The following NOVA1 variants were observed in gnomAD, a reference collection of about 807,000 sequenced individuals.
The protein encoded by NOVA1 is RNA-binding protein Nova-1.
NOVA1 carries 7 observed loss-of-function variants against 38.0 expected under a neutral mutation model. The observed-to-expected ratio is 0.18, with a 90% CI of 0.10 to 0.35. The LOEUF is 0.35. Among genes scored for constraint, NOVA1 ranks in the 10% least tolerant of loss-of-function variants. The pLI is 1.00. For synonymous variants in NOVA1, 270 were observed against 232.5 expected, an observed-to-expected ratio of 1.16 and a Z score of -1.47; for missense variants, 460 against 616.0, an observed-to-expected ratio of 0.75 and a Z score of 2.68.
chr14:26,474,414 C>T (rs1396368860), intron 3 of NOVA1, among the ~76,000 whole-genome samples: 1 of 151,958 alleles, frequency 6.6e-6, no homozygotes, highest in Non-Finnish European at 1.5e-5. Flanking sequence ...GCAAATTGAA[C>T]TTTTAATTAA....
At chr14:26,523,974 A>G (rs1209813988) in intron 2 of NOVA1, among the ~76,000 whole-genome samples, 2 of 151,980 alleles carry the variant, frequency 1.3e-5, no homozygotes, top group Non-Finnish European at 2.9e-5. Context: ...GATGGCCTCG[A>G]TCTCCTGACC....
At chr14:26,461,937 T>C (rs113023269) in intron 4 of NOVA1, among the ~76,000 whole-genome samples, 3,201 of 86,276 alleles carry the variant, frequency 0.037, 99 homozygotes, top group African/African-American at 0.081. Context: ...TGAAACTCCG[T>C]CTCAAAAAAC....
rs114826710 is a variant in NOVA1, at chr14:26,554,958, T to C, written c.280+40452A>G. ...ATTAAGCAATTAAATAACATGAATATGTTTCGTGCATTTGTAGAAAATACT... is the reference window on the plus strand; with the variant it reads ...ATTAAGCAATTAAATAACATGAATACGTTTCGTGCATTTGTAGAAAATACT... On this transcript the variant is annotated intron_variant, in intron 2 of 4. Coordinates refer to ENST00000539517, the MANE Select transcript of NOVA1 (RefSeq NM_002515.3). Among the ~76,000 whole-genome samples, 918 of 152,270 alleles carry C rather than the reference T, an allele frequency of 6.0e-3. 14 individuals carry two copies. Among genetic ancestry groups the C allele is most frequent in the African/African-American group, 0.021 (865 of 41,570 alleles).
rs563401938 is a variant in NOVA1 at position 26,597,507 on chromosome 14, CTTTTTTTTTTTTT to C, written c.-84_-72del. ...GTTTTGGCTTTTTCTTTTCTTTTTT[CTTTTTTTTTTTTT>C]TTTTTTTTTGCGTTTGGGGTTTCTT... On this transcript the variant is annotated 5_prime_UTR_variant, in exon 1 of 5. Coordinates refer to ENST00000539517, the MANE Select transcript of NOVA1 (RefSeq NM_002515.3). 1.6e-6 allele frequency: 1 copy of C among 638,022 alleles called. No individual in the cohort carries two copies. Among genetic ancestry groups the C allele is most frequent in the Non-Finnish European group, 1.8e-6 (1 of 554,570 alleles). The allele number at this position is 638,022 out of a possible 1,614,324, so 39.5% of individuals were successfully genotyped here.
At position 26,597,600 on chromosome 14, in the gene NOVA1, TG is replaced by T; in HGVS notation, c.-165del. On this transcript the variant is annotated 5_prime_UTR_variant, in exon 1 of 5. Transcript: ENST00000539517. ...TAAATCTCTTTAGGAAAAAAAGCAA[TG>T]TTGCTGGTTTGTTCTCACTGGGGAG... 8.3e-7 allele frequency: 1 copy of T among 1,205,506 alleles called. No individual in the cohort carries two copies. Among genetic ancestry groups the T allele is most frequent in the Non-Finnish European group, 1.0e-6 (1 of 978,610 alleles). The allele number at this position is 1,205,506 out of a possible 1,614,324, so 74.7% of individuals were successfully genotyped here.
chr14:26,544,922 TG>T (rs1410058908), intron 2 of NOVA1, among the ~76,000 whole-genome samples: 1 of 152,042 alleles, frequency 6.6e-6, no homozygotes, highest in African/African-American at 2.4e-5. Flanking sequence ...TGATAAATGG[TG>T]GGCAAAGAAG....
At chr14:26,596,458 G>T (rs1038430101) in intron 1 of NOVA1, 6 of 1,001,546 alleles carry the variant, frequency 6.0e-6, no homozygotes, top group Non-Finnish European at 8.2e-6. Flanking sequence ...ATCTTATACA[G>T]GAGACACCCC....
Position 26,591,688 on chromosome 14 carries a change from G to A in NOVA1, c.280+3722C>T, listed in dbSNP as rs565457658. ...ATAATTATACAATTCCAGTTCTAAA[G>A]TTTAATTTGGCCACTATATTTTCCC... On this transcript the variant is annotated intron_variant, in intron 2 of 4. Coordinates refer to ENST00000539517, the MANE Select transcript of NOVA1 (RefSeq NM_002515.3). Among the ~76,000 whole-genome samples, 86 of 151,492 alleles carry A rather than the reference G, an allele frequency of 5.7e-4. 1 individual carries two copies. The South Asian group carries it at 0.017, about 30-fold the overall frequency.
intron 4 of NOVA1, among the ~76,000 whole-genome samples, chr14:26,464,816 AG>A (rs1330336943): frequency 6.6e-6 from 1 of 152,174 alleles, no homozygotes; most frequent in Non-Finnish European, 1.5e-5. Context: ...CGAAAATTAT[AG>A]TAAGTCTATC....
Position 26,449,000 on chromosome 14 carries a change from G to C in NOVA1, c.520-37C>G, listed in dbSNP as rs1882382005. ...AAAAATACGTATAAATAATACTTCTGTTTTGTGCATATACATTATATTACT... is the reference window on the plus strand; with the variant it reads ...AAAAATACGTATAAATAATACTTCTCTTTTGTGCATATACATTATATTACT... On this transcript the variant is annotated intron_variant, in intron 4 of 4. Transcript: ENST00000539517. The surrounding 1 kb of genome is among the most constrained non-coding windows in gnomAD (Gnocchi z 5.3). 4 of 1,538,760 alleles carry C rather than the reference G, an allele frequency of 2.6e-6. No individual in the cohort carries two copies. Among genetic ancestry groups the C allele is most frequent in the Non-Finnish European group, 3.5e-6 (4 of 1,135,688 alleles).
chr14:26,584,933 C>G (rs899099575), intron 2 of NOVA1, among the ~76,000 whole-genome samples: 1 of 151,298 alleles, frequency 6.6e-6, no homozygotes, highest in African/African-American at 2.4e-5. Flanking sequence ...CAACAAAGCC[C>G]ACTAATGTTC....
intron 2 of NOVA1, among the ~76,000 whole-genome samples, chr14:26,517,758 G>A (rs1392848973): frequency 6.6e-6 from 1 of 151,992 alleles, no homozygotes; most frequent in Non-Finnish European, 1.5e-5. Flanking sequence ...ATCCATAAAT[G>A]AATTATATAT....
intron 1 of NOVA1, chr14:26,596,861 T>C (rs1412360115): frequency 2.6e-6 from 3 of 1,133,670 alleles, no homozygotes; most frequent in Non-Finnish European, 2.2e-6. Flanking sequence ...GCCCCAGTCA[T>C]TCGCAATCCG....
In NOVA1 at chr14:26,574,271, C is replaced by CG. The variant is rs1566550152; in HGVS notation, c.280+21138_280+21139insC. 4.5e-5 allele frequency among the ~76,000 whole-genome samples: 4 copies of CG among 87,990 alleles called. 1 individual carries two copies. The highest frequency in any genetic ancestry group is 2.0e-4 in the African/African-American group (4 of 19,994). The allele number at this position is 87,990 out of a possible 152,430, so 57.7% of individuals were successfully genotyped here. A position where few individuals can be genotyped will look rare whatever the true frequency, so the allele number is the denominator to read the frequency against. ...GAACTCCTGACCTCGTGATCCACCC[C>CG]CCCCCCCCCGCCCCCTCGGCCTCCC... On this transcript the variant is annotated intron_variant, in intron 2 of 4. Transcript: ENST00000539517.
Position 26,501,558 on chromosome 14 carries a change from T to C in NOVA1, c.281-21415A>G, listed in dbSNP as rs553713805. On this transcript the variant is annotated intron_variant, in intron 2 of 4. Transcript: ENST00000539517. Reference sequence around the variant, plus strand: ...GAATGTTGGCAATACATATGAAGTATAAAGAAATAATATATTATTTTATCT... The same window carrying C: ...GAATGTTGGCAATACATATGAAGTACAAAGAAATAATATATTATTTTATCT... Among the ~76,000 whole-genome samples, 15 of 152,020 alleles carry C rather than the reference T, an allele frequency of 9.9e-5. No individual in the cohort carries two copies. In the South Asian group the frequency reaches 3.1e-3, roughly 31 times the overall value.
intron 2 of NOVA1, among the ~76,000 whole-genome samples, chr14:26,566,299 C>T (rs1222743145): frequency 2.0e-5 from 3 of 151,972 alleles, no homozygotes; most frequent in African/African-American, 7.2e-5. Context: ...AATTTATTGT[C>T]ATCAAAATAA....
At chr14:26,509,703 AGT>A (rs1218912398) in intron 2 of NOVA1, among the ~76,000 whole-genome samples, 1 of 152,108 alleles carries the variant, frequency 6.6e-6, no homozygotes, top group Non-Finnish European at 1.5e-5. Flanking sequence ...TTCTTGAGAC[AGT>A]GTTTTGCTCT....
intron 2 of NOVA1, among the ~76,000 whole-genome samples, chr14:26,572,360 T>C (rs918578119): frequency 6.6e-6 from 1 of 152,144 alleles, no homozygotes; most frequent in African/African-American, 2.4e-5. Context: ...CTGGTGCCAA[T>C]AAATAAAACA....
intron 2 of NOVA1, among the ~76,000 whole-genome samples, chr14:26,515,775 G>A (rs1381323673): frequency 3.3e-5 from 5 of 151,948 alleles, no homozygotes; most frequent in African/African-American, 1.2e-4. Flanking sequence ...AGATCATAGT[G>A]ATCTACGCTT....
Sources: allele counts gnomAD v4.1 joint callset (sites outside exome capture counted in the v4.1 genomes callset), GRCh38; gene constraint gnomAD v4.1.1; non-coding constraint Gnocchi (gnomAD v3.1); transcripts MANE v1.5; gene names NCBI Gene and HGNC (gene_info 2026-07-23, HGNC 2026-07-21).